The following TMPRSS11F variants were observed in gnomAD, a reference collection of about 807,000 sequenced individuals.
TMPRSS11F encodes transmembrane serine protease 11F, also known as transmembrane protease serine 11F.
TMPRSS11F carries 47 observed loss-of-function variants against 60.2 expected under a neutral mutation model. The observed-to-expected ratio is 0.78, with a 90% confidence interval of 0.62 to 1.00. The LOEUF (loss-of-function observed/expected upper bound fraction) is 1.00, where lower values mean the gene tolerates loss of function less well. Ranked by LOEUF, TMPRSS11F falls within the 50% of genes least tolerant of loss-of-function variation. TMPRSS11F has a pLI of 0.00. For synonymous variants in TMPRSS11F, 166 were observed against 167.3 expected (o/e 0.99, Z 0.06); for missense variants, 519 against 522.9 (o/e 0.99, Z 0.07).
chr4:68,129,357 CT>C (rs1724775541), intron 1 of TMPRSS11F, among the ~76,000 whole-genome samples: 1 of 151,940 alleles, frequency 6.6e-6, no homozygotes, highest in African/African-American at 2.4e-5. Context: ...ATCATAGTTT[CT>C]ATTAGAGTTA....
intron 2 of TMPRSS11F, 137 bp downstream of exon 2, chr4:68,098,750 A>G: frequency 1.2e-6 from 1 of 801,044 alleles, no homozygotes; most frequent in Non-Finnish European, 1.9e-6. Flanking sequence ...ACAGAAGCAA[A>G]CTATAATTTA....
intron 1 of TMPRSS11F, among the ~76,000 whole-genome samples, chr4:68,129,539 T>C (rs1287933425): frequency 6.6e-6 from 1 of 152,152 alleles, no homozygotes; most frequent in African/African-American, 2.4e-5. Context: ...TACTAAATGT[T>C]TTAAATATTA....
intron 1 of TMPRSS11F, among the ~76,000 whole-genome samples, chr4:68,119,038 G>A (rs1724576201): frequency 6.6e-6 from 1 of 152,104 alleles, no homozygotes; most frequent in Admixed American, 6.6e-5. Context: ...AATTAAAAGT[G>A]TTATTCCAGT....
Position 68,090,550 on chromosome 4 carries a change from T to A in TMPRSS11F, c.255A>T (p.Ile85=). 6.3e-7 allele frequency: 1 copy of A among 1,597,680 alleles called. No individual in the cohort carries two copies. The highest frequency in any genetic ancestry group is 1.1e-5 in the South Asian group (1 of 89,770). The change falls in exon 3 of 10, where the codon ATA becomes ATT. Residue 85 remains isoleucine (I), a synonymous_variant. Transcript: ENST00000356291. The part of the protein sequence containing the change: ...NYGIRSSREF[I]ERSHQIERMM... ...TTCTTTCAATCTGATGACTCCTTTC[T>A]ATAAACTCTCTTGAAGATCTTATGC...
chr4:68,119,446 C>A (rs1185603675), intron 1 of TMPRSS11F, among the ~76,000 whole-genome samples: 1 of 152,166 alleles, frequency 6.6e-6, no homozygotes, highest in East Asian at 1.9e-4. Flanking sequence ...GAGGACAAGT[C>A]AATGCCTAGC....
intron 5 of TMPRSS11F, among the ~76,000 whole-genome samples, chr4:68,071,498 G>A (rs1723461490): frequency 6.6e-6 from 1 of 152,146 alleles, no homozygotes; most frequent in African/African-American, 2.4e-5. Flanking sequence ...AAAGGAGCTG[G>A]AACATCTATC....
At chr4:68,115,218 G>A (rs1038409108) in intron 1 of TMPRSS11F, among the ~76,000 whole-genome samples, 1 of 151,390 alleles carries the variant, frequency 6.6e-6, no homozygotes, top group African/African-American at 2.4e-5. Flanking sequence ...TTAGCTGGGT[G>A]TGATGGCGGG....
At chr4:68,111,004 C>G (rs999845397) in intron 1 of TMPRSS11F, among the ~76,000 whole-genome samples, 11 of 152,224 alleles carry the variant, frequency 7.2e-5, no homozygotes, top group Admixed American at 3.3e-4. Context: ...ACAAGGCCAT[C>G]ATAAATTTCA....
At chr4:68,129,728 C>A in intron 1 of TMPRSS11F, 82 bp downstream of exon 1, 1 of 1,275,120 alleles carries the variant, frequency 7.8e-7, no homozygotes, top group Non-Finnish European at 1.1e-6. Context: ...TCTCCACCAG[C>A]CAACATCTGT....
chr4:68,102,762 G>T (rs1724219305), intron 1 of TMPRSS11F, among the ~76,000 whole-genome samples: 1 of 151,956 alleles, frequency 6.6e-6, no homozygotes, highest in Non-Finnish European at 1.5e-5. Context: ...CCAATCTGTG[G>T]GCTGCTTTTT....
At chr4:68,057,587 AAAC>A (rs1256231042) in intron 9 of TMPRSS11F, among the ~76,000 whole-genome samples, 1 of 152,200 alleles carries the variant, frequency 6.6e-6, no homozygotes, top group African/African-American at 2.4e-5. Context: ...CAGAATGGGA[AAAC>A]ATGTTTGCAA....
At chr4:68,095,401 G>A (rs1366711318) in intron 2 of TMPRSS11F, among the ~76,000 whole-genome samples, 8 of 152,150 alleles carry the variant, frequency 5.3e-5, no homozygotes, top group Admixed American at 2.0e-4. Context: ...CCAAATGAGC[G>A]ACTGAGACAT....
intron 3 of TMPRSS11F, among the ~76,000 whole-genome samples, chr4:68,083,178 G>T (rs904249952): frequency 2.0e-5 from 3 of 152,124 alleles, no homozygotes; most frequent in African/African-American, 7.2e-5. Flanking sequence ...CCCACAACCT[G>T]CTCTGACTCC....
intron 1 of TMPRSS11F, among the ~76,000 whole-genome samples, chr4:68,103,831 G>A (rs934313064): frequency 9.9e-5 from 15 of 151,766 alleles, no homozygotes; most frequent in African/African-American, 3.6e-4. Context: ...TATTTCTTTC[G>A]TATTTTGTAG....
At chr4:68,074,489 C>T (rs899698654) in intron 3 of TMPRSS11F, among the ~76,000 whole-genome samples, 3 of 152,206 alleles carry the variant, frequency 2.0e-5, no homozygotes, top group Non-Finnish European at 2.9e-5. Context: ...CCAAATATGG[C>T]ATCTCATCCA....
At position 68,098,875 on chromosome 4, in the gene TMPRSS11F, C is replaced by T. The variant is rs374062874; in HGVS notation, c.163+12G>A. On this transcript the variant is annotated intron_variant, in intron 2 of 9. Coordinates refer to ENST00000356291, the MANE Select transcript of TMPRSS11F (RefSeq NM_207407.2). ...AGTACTTAGGCAATGGAACTGTGAC[C>T]TGGATACTTACCCTCAACAACAAAA... The T allele has an allele frequency of 6.2e-7, 1 of 1,604,494 alleles. No homozygotes were observed. Among genetic ancestry groups the T allele is most frequent in the East Asian group, 2.2e-5 (1 of 44,544 alleles).
intron 3 of TMPRSS11F, among the ~76,000 whole-genome samples, chr4:68,074,253 G>T (rs569584704): frequency 6.6e-6 from 1 of 152,214 alleles, no homozygotes; most frequent in South Asian, 2.1e-4. Context: ...CAACAAAATT[G>T]TTCAACTTTG....
At chr4:68,067,632 G>A (rs1417719090) in intron 7 of TMPRSS11F, among the ~76,000 whole-genome samples, 1 of 152,204 alleles carries the variant, frequency 6.6e-6, no homozygotes, top group African/African-American at 2.4e-5. Context: ...TTGCCCATAA[G>A]GCATAATGCC....
In TMPRSS11F at chr4:68,129,831, C is replaced by A; in HGVS notation, c.-11G>T. 1 of 1,613,392 alleles carries A rather than the reference C, an allele frequency of 6.2e-7. No homozygotes were observed. The highest frequency in any genetic ancestry group is 1.1e-5 in the South Asian group (1 of 91,016). On this transcript the variant is annotated 5_prime_UTR_variant, in exon 1 of 10. Coordinates refer to ENST00000356291, the MANE Select transcript of TMPRSS11F (RefSeq NM_207407.2). Reference sequence around the variant, plus strand: ...TTACGCGTACATCATGAACCCAGGACTGGGGCAGCTTCTATTCAGTCACCA... The same window carrying A: ...TTACGCGTACATCATGAACCCAGGAATGGGGCAGCTTCTATTCAGTCACCA...
Sources: allele counts gnomAD v4.1 joint callset (sites outside exome capture counted in the v4.1 genomes callset), GRCh38; gene constraint gnomAD v4.1.1; transcripts MANE v1.5; gene names NCBI Gene and HGNC (gene_info 2026-07-23, HGNC 2026-07-21).